Variants in TRAF3IP1 observed in about 807,000 individuals in gnomAD.
The protein encoded by TRAF3IP1 is intraflagellar transport 54, also known as TRAF3-interacting protein 1.
TRAF3IP1 carries 53 observed loss-of-function variants against 89.9 expected under a neutral mutation model. The ratio of observed to expected loss-of-function variants is 0.59; its 90% confidence interval spans 0.47 to 0.74. The LOEUF is 0.74. Among genes scored for constraint, TRAF3IP1 ranks in the 30% least tolerant of loss-of-function variants. TRAF3IP1 has a pLI of 0.00. For synonymous variants in TRAF3IP1, 311 were observed against 322.1 expected (o/e 0.97, Z 0.37); for missense variants, 806 against 866.1 (o/e 0.93, Z 0.87).
At chr2:238,361,697 C>T (rs1427315032) in intron 15 of TRAF3IP1, among the ~76,000 whole-genome samples, 10 of 152,118 alleles carry the variant, frequency 6.6e-5, no homozygotes, top group Non-Finnish European at 1.5e-5. Context: ...AAATGTTCCT[C>T]CACTCCTCCC....
intron 1 of TRAF3IP1, 41 bp from the exon 2 acceptor site, chr2:238,325,265 G>A (rs1327106927): frequency 6.2e-7 from 1 of 1,601,346 alleles, no homozygotes; most frequent in Non-Finnish European, 8.6e-7. Flanking sequence ...TGAGGAGGCT[G>A]TCTGTGAGGT....
At chr2:238,375,396 T>TC (rs1365258856) in intron 15 of TRAF3IP1, among the ~76,000 whole-genome samples, 5 of 152,248 alleles carry the variant, frequency 3.3e-5, no homozygotes, top group African/African-American at 1.2e-4. Context: ...TACCCAGTAG[T>TC]CATTCAGGAG....
At chr2:238,368,263 C>CT (rs1479287619) in intron 15 of TRAF3IP1, among the ~76,000 whole-genome samples, 1 of 152,154 alleles carries the variant, frequency 6.6e-6, no homozygotes, top group African/African-American at 2.4e-5. Flanking sequence ...AATGGCACAA[C>CT]TTTATTACTT....
At position 238,320,572 on chromosome 2, in the gene TRAF3IP1, G is replaced by GCGGCGGGGC. The variant is rs1697467327; in HGVS notation, c.-84_-76dup. The GCGGCGGGGC allele has an allele frequency of 5.7e-6, 6 of 1,058,418 alleles. No homozygotes were observed. In the South Asian group the frequency reaches 1.7e-4, roughly 31 times the overall value. 65.6% of individuals were successfully genotyped at this position (1,058,418 alleles called of 1,614,324 possible). On this transcript the variant is annotated 5_prime_UTR_variant, in exon 1 of 17. Coordinates refer to ENST00000373327, the MANE Select transcript of TRAF3IP1 (RefSeq NM_015650.4). ...GTCCTGGCAGGACCGGGCGGCGGCG[G>GCGGCGGGGC]CGGCGGGGCCGGCGGCGGCCAGGGA... is the stretch of plus-strand genomic sequence containing the variant.
chr2:238,388,268 G>A (rs531845051), intron 15 of TRAF3IP1, among the ~76,000 whole-genome samples: 10 of 151,720 alleles, frequency 6.6e-5, no homozygotes, highest in Admixed American at 1.3e-4. Context: ...CCAGCTACTC[G>A]GGAGGCTGAG....
intron 12 of TRAF3IP1, 150 bp from the exon 13 acceptor site, chr2:238,352,677 A>C: frequency 2.5e-6 from 2 of 785,572 alleles, no homozygotes; most frequent in Non-Finnish European, 4.0e-6. Context: ...CAGACAGTCC[A>C]TCTTAGCTTC....
chr2:238,334,693 A>G (rs1698300021), intron 7 of TRAF3IP1, among the ~76,000 whole-genome samples: 1 of 152,242 alleles, frequency 6.6e-6, no homozygotes, highest in South Asian at 2.1e-4. Context: ...GGCAAGATGT[A>G]GTAGTGGGAA....
intron 11 of TRAF3IP1, among the ~76,000 whole-genome samples, 197 bp downstream of exon 11, chr2:238,349,045 A>C (rs1699028733): frequency 6.6e-6 from 1 of 152,048 alleles, no homozygotes; most frequent in Non-Finnish European, 1.5e-5. Context: ...TATTTTGGAG[A>C]TTTAGGGGAA....
chr2:238,372,002 A>G (rs1317568123), intron 15 of TRAF3IP1, among the ~76,000 whole-genome samples: 1 of 152,242 alleles, frequency 6.6e-6, no homozygotes, highest in Admixed American at 6.5e-5. Context: ...CAAAATCCCT[A>G]AACTAGTTCT....
chr2:238,320,867 C>T, intron 1 of TRAF3IP1, 82 bp downstream of exon 1: 1 of 1,161,928 alleles, frequency 8.6e-7, no homozygotes, highest in Non-Finnish European at 1.1e-6. Context: ...CCGGGTGGCG[C>T]CGGGTGCGAG....
chr2:238,362,929 G>A (rs553327365), intron 15 of TRAF3IP1, among the ~76,000 whole-genome samples: 3 of 152,278 alleles, frequency 2.0e-5, no homozygotes, highest in Admixed American at 1.3e-4. Context: ...AAACAGGGTC[G>A]ACCAGCTGTC....
intron 15 of TRAF3IP1, among the ~76,000 whole-genome samples, chr2:238,359,146 A>C (rs1699552560): frequency 2.0e-5 from 3 of 152,160 alleles, no homozygotes; most frequent in Admixed American, 2.0e-4. Context: ...GCCCAGGCTT[A>C]GAAGTGCTGT....
At chr2:238,378,177 A>G (rs1198385962) in intron 15 of TRAF3IP1, among the ~76,000 whole-genome samples, 3 of 151,404 alleles carry the variant, frequency 2.0e-5, no homozygotes. Flanking sequence ...CTTTTCATTG[A>G]TATCTCCAGT....
At chr2:238,384,471 T>C in intron 15 of TRAF3IP1, among the ~76,000 whole-genome samples, 1 of 151,570 alleles carries the variant, frequency 6.6e-6, no homozygotes, top group East Asian at 1.9e-4. Flanking sequence ...CTCCTGGGTT[T>C]AAGTAATTCT....
intron 15 of TRAF3IP1, among the ~76,000 whole-genome samples, chr2:238,368,039 A>C (rs184684318): frequency 6.6e-6 from 1 of 151,668 alleles, no homozygotes; most frequent in Non-Finnish European, 1.5e-5. Flanking sequence ...TGTCCTTTCC[A>C]AAACATATTC....
intron 15 of TRAF3IP1, among the ~76,000 whole-genome samples, chr2:238,360,638 C>T (rs112067424): frequency 1.3e-5 from 2 of 152,066 alleles, no homozygotes; most frequent in African/African-American, 2.4e-5. Context: ...AATCCCAGCA[C>T]TTTAGGAGGC....
At chr2:238,352,679 C>T (rs1323017887) in intron 12 of TRAF3IP1, 148 bp from the exon 13 acceptor site, 3 of 803,558 alleles carry the variant, frequency 3.7e-6, no homozygotes, top group Non-Finnish European at 5.8e-6. Flanking sequence ...GACAGTCCAT[C>T]TTAGCTTCAG....
chr2:238,337,257 G>A (rs1297646512), intron 7 of TRAF3IP1, among the ~76,000 whole-genome samples: 1 of 152,192 alleles, frequency 6.6e-6, no homozygotes, highest in Admixed American at 6.5e-5. Flanking sequence ...CAGGAATGAG[G>A]GGCGTGAGCA....
At chr2:238,328,051 A>G (rs1697924752) in intron 3 of TRAF3IP1, among the ~76,000 whole-genome samples, 1 of 152,206 alleles carries the variant, frequency 6.6e-6, no homozygotes, top group African/African-American at 2.4e-5. Flanking sequence ...GAACATGGGT[A>G]TACAAATATC....
Sources: gnomAD v4.1 joint callset for allele counts (sites outside exome capture counted in the v4.1 genomes callset) on GRCh38, gnomAD v4.1.1 for gene constraint, MANE v1.5 for transcripts, NCBI Gene and HGNC (gene_info 2026-07-23, HGNC 2026-07-21) for gene names.